Variants in NREP observed in about 807,000 individuals in gnomAD.
The protein encoded by NREP is neuronal regeneration related protein.
A neutral mutation model predicts 8.6 loss-of-function variants in NREP; 5 were observed. The ratio of observed to expected loss-of-function variants is 0.58; its 90% CI spans 0.30 to 1.22. NREP has a LOEUF of 1.22. Ranked by LOEUF, NREP falls within the 50% of genes most tolerant of loss-of-function variation. The pLI is 0.07. For missense variants in NREP, 86 were observed against 82.5 expected (o/e 1.04, Z -0.17); for synonymous variants, 27 against 28.0 (o/e 0.96, Z 0.11).
chr5:111,736,192 A>T (rs1021932144), intron 2 of NREP, among the ~76,000 whole-genome samples: 1 of 152,216 alleles, frequency 6.6e-6, no homozygotes, highest in Non-Finnish European at 1.5e-5. Context: ...TCCATCTTCA[A>T]GTAATGACAG....
intron 2 of NREP, among the ~76,000 whole-genome samples, chr5:111,930,939 G>A (rs1755519732): frequency 2.0e-5 from 3 of 152,076 alleles, no homozygotes; most frequent in Admixed American, 2.0e-4. Flanking sequence ...ATGTTGTGAT[G>A]GTACATGATA....
intron 2 of NREP, among the ~76,000 whole-genome samples, chr5:111,937,588 A>T (rs1265289169): frequency 6.6e-6 from 1 of 152,104 alleles, no homozygotes; most frequent in Admixed American, 6.6e-5. Context: ...GAAGAGACAC[A>T]ATCCTGGTTA....
At chr5:111,812,532 T>C (rs933990876) in intron 2 of NREP, among the ~76,000 whole-genome samples, 7 of 152,218 alleles carry the variant, frequency 4.6e-5, no homozygotes, top group African/African-American at 1.4e-4. Context: ...GATTCAGTTC[T>C]ACATTATAGT....
chr5:111,892,289 T>C (rs1209271053), intron 2 of NREP, among the ~76,000 whole-genome samples: 1 of 152,098 alleles, frequency 6.6e-6, no homozygotes, highest in Non-Finnish European at 1.5e-5. Flanking sequence ...TCTACTTAAA[T>C]TGCTAAACAA....
chr5:111,757,701 G>A (rs1750821452), upstream of NREP: 1 of 984,460 alleles, frequency 1.0e-6, no homozygotes, highest in Non-Finnish European at 1.2e-6. Context: ...GGGAGACAAA[G>A]CGGACCCGCA....
At chr5:111,774,613 A>G (rs1235189199) in intron 2 of NREP, among the ~76,000 whole-genome samples, 1 of 152,184 alleles carries the variant, frequency 6.6e-6, no homozygotes, top group African/African-American at 2.4e-5. Flanking sequence ...GAGGGGCAAT[A>G]TAACTGGCAG....
chr5:111,953,162 T>G (rs549461854), intron 2 of NREP, among the ~76,000 whole-genome samples: 35 of 152,252 alleles, frequency 2.3e-4, no homozygotes, highest in African/African-American at 8.2e-4. Context: ...TTTCTTTCTT[T>G]TTTCTTTCAA....
At chr5:111,744,082 T>G (rs1486765072) in intron 2 of NREP, among the ~76,000 whole-genome samples, 4 of 152,186 alleles carry the variant, frequency 2.6e-5, no homozygotes, top group Non-Finnish European at 4.4e-5. Context: ...TGAAGCGATT[T>G]CAAAGCATTC....
At chr5:111,884,139 G>C (rs1754171327) in intron 2 of NREP, among the ~76,000 whole-genome samples, 1 of 151,758 alleles carries the variant, frequency 6.6e-6, no homozygotes, top group East Asian at 1.9e-4. Flanking sequence ...TGATAAAGGG[G>C]ATATCACCAC....
At chr5:111,975,386 C>T in intron 1 of NREP, 1 of 1,549,492 alleles carries the variant, frequency 6.5e-7, no homozygotes, top group Admixed American at 2.0e-5. Context: ...GCTCTGCAGA[C>T]AAGACACATG....
rs189938957 is a variant in NREP, at chr5:111,898,443, C to T, written c.135+76831G>A. On this transcript the variant is annotated intron_variant, in intron 2 of 3. Coordinates refer to the NREP transcript ENST00000395634. ...CCTAAGTAATTGTTACCAACTGAGACGGGGAAACGTAAATGTACAGCAGGT... is the reference window on the plus strand; with the variant it reads ...CCTAAGTAATTGTTACCAACTGAGATGGGGAAACGTAAATGTACAGCAGGT... Among the ~76,000 whole-genome samples, 26 of 152,110 alleles carry T rather than the reference C, an allele frequency of 1.7e-4. 1 individual carries two copies. The East Asian group carries it at 2.1e-3, about 12-fold the overall frequency.
chr5:111,741,830 C>CAG (rs1554095247), intron 2 of NREP, among the ~76,000 whole-genome samples: 3,665 of 148,434 alleles, frequency 0.025, 61 homozygotes, highest in African/African-American at 0.037. Context: ...CACATACACA[C>CAG]ACACACACAC....
intron 2 of NREP, among the ~76,000 whole-genome samples, chr5:111,846,746 CATGAG>C (rs1486442588): frequency 1.3e-5 from 2 of 152,090 alleles, no homozygotes; most frequent in Non-Finnish European, 2.9e-5. Flanking sequence ...TTCACAGTTC[CATGAG>C]ATAATACCAA....
intron 2 of NREP, among the ~76,000 whole-genome samples, chr5:111,861,973 C>T (rs1312857557): frequency 3.9e-5 from 6 of 152,102 alleles, no homozygotes; most frequent in Admixed American, 6.6e-5. Context: ...ACCTTTTTAA[C>T]ATAATGACTA....
chr5:111,744,438 G>C (rs1749875317), intron 2 of NREP, among the ~76,000 whole-genome samples: 1 of 151,822 alleles, frequency 6.6e-6, no homozygotes, highest in Non-Finnish European at 1.5e-5. Flanking sequence ...TTTTAAAGAA[G>C]AAAAAATATA....
chr5:111,771,184 G>T (rs1246017732), intron 2 of NREP, among the ~76,000 whole-genome samples: 1 of 152,174 alleles, frequency 6.6e-6, no homozygotes, highest in African/African-American at 2.4e-5. Context: ...ATGAATGATG[G>T]AAGGGAAGAA....
intron 2 of NREP, among the ~76,000 whole-genome samples, chr5:111,824,316 C>T (rs967386789): frequency 3.3e-5 from 5 of 152,186 alleles, no homozygotes; most frequent in African/African-American, 1.2e-4. Flanking sequence ...TTCCAGTGAG[C>T]AGAAATCACG....
intron 2 of NREP, among the ~76,000 whole-genome samples, chr5:111,924,349 G>A (rs1755325445): frequency 6.6e-6 from 1 of 152,112 alleles, no homozygotes; most frequent in South Asian, 2.1e-4. Flanking sequence ...ATACAAGTGA[G>A]GGGTATCCCG....
intron 2 of NREP, among the ~76,000 whole-genome samples, chr5:111,928,882 C>A (rs1755462965): frequency 6.6e-6 from 1 of 152,114 alleles, no homozygotes; most frequent in African/African-American, 2.4e-5. Flanking sequence ...ACTGGAAAAT[C>A]TTCATATACC....
Sources: allele counts gnomAD v4.1 joint callset (sites outside exome capture counted in the v4.1 genomes callset), GRCh38; gene constraint gnomAD v4.1.1; transcripts MANE v1.5; gene names NCBI Gene and HGNC (gene_info 2026-07-23, HGNC 2026-07-21).